Variants in ADAM12 observed in about 807,000 individuals in gnomAD.
ADAM12 encodes the protein disintegrin and metalloproteinase domain-containing protein 12.
In ADAM12, 70 loss-of-function variants were observed where a neutral mutation model predicts 106.4. The observed-to-expected ratio is 0.66, with a 90% CI of 0.54 to 0.80. The LOEUF (loss-of-function observed/expected upper bound fraction) is 0.80, where lower values mean the gene tolerates loss of function less well. ADAM12 is among the 30% of genes least tolerant of loss of function. The pLI is 0.00. For synonymous variants in ADAM12, 420 were observed against 433.5 expected, an observed-to-expected ratio of 0.97 and a Z score of 0.39; for missense variants, 1,010 against 1,171.9, an observed-to-expected ratio of 0.86 and a Z score of 2.02.
intron 3 of ADAM12, among the ~76,000 whole-genome samples, chr10:126,186,259 T>C (rs1052672955): frequency 3.3e-5 from 5 of 152,190 alleles, no homozygotes; most frequent in Non-Finnish European, 7.3e-5. Context: ...TCGATCAATA[T>C]ACTTAGCAAC....
intron 1 of ADAM12, among the ~76,000 whole-genome samples, chr10:126,332,853 G>A (rs1253423692): frequency 2.6e-5 from 4 of 152,176 alleles, no homozygotes; most frequent in Admixed American, 2.6e-4. Context: ...AGGACCCCAC[G>A]GGATTCACAC....
rs375185489 is a variant in ADAM12 at position 126,344,550 on chromosome 10, C to T, written c.89-14041G>A. Among the ~76,000 whole-genome samples, 15 of 152,160 alleles carry T rather than the reference C, an allele frequency of 9.9e-5. No individual in the cohort carries two copies. In the East Asian group the frequency reaches 1.2e-3, roughly 12 times the overall value. ...TGAACTTTAAAGTAGTTTTTTCCAA[C>T]TCTGTGAAGAAAGTCATTGGTAGTT... is the stretch of plus-strand genomic sequence containing the variant. On this transcript the variant is annotated intron_variant, in intron 1 of 22. Transcript: ENST00000448723.
rs1350901828 is a variant in ADAM12 at position 126,108,655 on chromosome 10, G to C, written c.679C>G (p.Gln227Glu). 4 of 1,613,596 alleles carry C rather than the reference G, an allele frequency of 2.5e-6. No individual in the cohort carries two copies. Among genetic ancestry groups the C allele is most frequent in the Non-Finnish European group, 3.4e-6 (4 of 1,179,652 alleles). ...TTAACTTTTTCCAGATCTTTTCCTT[G>C]CCTCTGAAACTTAACAATTTTAAAT... The part of the protein sequence containing the change: ...IVADNREFQR[Q>E]GKDLEKVKQR... The change falls in exon 8 of 23, where the codon CAA becomes GAA. Residue 227 changes from glutamine (Q) to glutamate (E), a missense_variant. By Grantham distance (29) the Gln-to-Glu change is conservative (BLOSUM62 2). Transcript: ENST00000448723.
At chr10:126,182,282 T>C (rs918859049) in intron 3 of ADAM12, among the ~76,000 whole-genome samples, 1 of 152,206 alleles carries the variant, frequency 6.6e-6, no homozygotes, top group Non-Finnish European at 1.5e-5. Context: ...CAGCACAGCA[T>C]ACTTATTTGC....
At chr10:126,322,044 T>G (rs1854120964) in intron 2 of ADAM12, among the ~76,000 whole-genome samples, 1 of 152,220 alleles carries the variant, frequency 6.6e-6, no homozygotes, top group African/African-American at 2.4e-5. Flanking sequence ...GCCAATGCAC[T>G]GCCTGTTTTG....
chr10:126,183,117 C>T (rs1278379), intron 3 of ADAM12, among the ~76,000 whole-genome samples: 20,614 of 152,144 alleles, frequency 0.14, 2,198 homozygotes, highest in African/African-American at 0.29. Context: ...CTTACGAGAA[C>T]CTAAGGCCTG....
At chr10:126,141,160 G>A (rs1956502852) in intron 4 of ADAM12, among the ~76,000 whole-genome samples, 1 of 152,230 alleles carries the variant, frequency 6.6e-6, no homozygotes, top group Admixed American at 6.5e-5. Flanking sequence ...TTGCACCCCA[G>A]GGCCCCCTGA....
intron 4 of ADAM12, among the ~76,000 whole-genome samples, chr10:126,153,763 A>G (rs1049645568): frequency 6.6e-5 from 10 of 152,222 alleles, no homozygotes; most frequent in African/African-American, 1.9e-4. Context: ...AAATATTCCT[A>G]CAGAACTATT....
rs1161587462 is a variant in ADAM12 at position 126,016,024 on chromosome 10, A to T, written c.*1255T>A. ...TCCTTATCACATTCTGTGATGCTCA[A>T]CAGGTAGGTTGCAAGTGTTTAAGAA... On this transcript the variant is annotated 3_prime_UTR_variant, in exon 23 of 23. Transcript: ENST00000448723. 1 of 152,168 alleles carries T rather than the reference A, an allele frequency of 6.6e-6. No individual in the cohort carries two copies. Among genetic ancestry groups the T allele is most frequent in the Admixed American group, 6.5e-5 (1 of 15,286 alleles). 9.4% of individuals were successfully genotyped at this position (152,168 alleles called of 1,614,324 possible). A position where few individuals can be genotyped will look rare whatever the true frequency, so the allele number is the denominator to read the frequency against.
chr10:126,262,497 T>A (rs1172083833), intron 3 of ADAM12, among the ~76,000 whole-genome samples: 1 of 152,192 alleles, frequency 6.6e-6, no homozygotes, highest in Non-Finnish European at 1.5e-5. Flanking sequence ...AAAACAAATG[T>A]GTTCAAAAAG....
intron 3 of ADAM12, among the ~76,000 whole-genome samples, chr10:126,254,307 C>T (rs941101058): frequency 6.6e-6 from 1 of 152,142 alleles, no homozygotes; most frequent in Non-Finnish European, 1.5e-5. Flanking sequence ...ACAGTAATGG[C>T]ACATACCTTA....
Position 126,017,271 on chromosome 10 carries a change from T to G in ADAM12, c.*8A>C. 6.3e-7 allele frequency: 1 copy of G among 1,589,250 alleles called. No homozygotes were observed. The highest frequency in any genetic ancestry group is 8.6e-7 in the Non-Finnish European group (1 of 1,166,726). On this transcript the variant is annotated 3_prime_UTR_variant, in exon 23 of 23. Transcript: ENST00000448723. ...CTGTCTTCACTGTTGAAAAAAGGTG[T>G]CGGCTTCTCACTTAATATAGGCGGT...
At chr10:126,125,356 T>C (rs1956187883) in intron 5 of ADAM12, among the ~76,000 whole-genome samples, 1 of 151,046 alleles carries the variant, frequency 6.6e-6, no homozygotes, top group Non-Finnish European at 1.5e-5. Flanking sequence ...GGGATTCTCC[T>C]GCCTCAGCCT....
chr10:126,188,071 G>A (rs559342678), intron 3 of ADAM12, among the ~76,000 whole-genome samples: 1 of 152,342 alleles, frequency 6.6e-6, no homozygotes, highest in Non-Finnish European at 1.5e-5. Flanking sequence ...GGCAATGACA[G>A]CCCAGTCCAC....
intron 18 of ADAM12, chr10:126,041,508 C>T (rs767518205): frequency 7.2e-5 from 71 of 985,530 alleles, no homozygotes; most frequent in South Asian, 9.4e-5. Flanking sequence ...CTGCTGGTCA[C>T]GCATGTCCAC....
In ADAM12 at chr10:126,159,244, A is replaced by G. The variant is rs953616409; in HGVS notation, c.261-3939T>C. Among the ~76,000 whole-genome samples, 14 of 138,804 alleles carry G rather than the reference A, an allele frequency of 1.0e-4. 1 individual carries two copies. In the South Asian group the frequency reaches 3.3e-3, roughly 33 times the overall value. 91.1% of individuals were successfully genotyped at this position (138,804 alleles called of 152,430 possible). On this transcript the variant is annotated intron_variant, in intron 3 of 22. Transcript: ENST00000448723. ...AGAATGGCGTGAACCTGGGAGGCAGAGCTTGCAGTGAGCCGAGATCATGCC... is the reference window on the plus strand; with the variant it reads ...AGAATGGCGTGAACCTGGGAGGCAGGGCTTGCAGTGAGCCGAGATCATGCC...
chr10:126,218,309 C>A (rs1335453897), intron 3 of ADAM12, among the ~76,000 whole-genome samples: 1 of 152,094 alleles, frequency 6.6e-6, no homozygotes, highest in East Asian at 1.9e-4. Context: ...GACACGTATT[C>A]CTTCTAACTA....
intron 3 of ADAM12, among the ~76,000 whole-genome samples, chr10:126,266,534 A>T (rs1959100801): frequency 6.6e-6 from 1 of 152,240 alleles, no homozygotes; most frequent in Non-Finnish European, 1.5e-5. Flanking sequence ...AACAGCACTC[A>T]TGCTGTGAAT....
At chr10:126,306,584 G>A (rs962992298) in intron 2 of ADAM12, among the ~76,000 whole-genome samples, 1 of 152,072 alleles carries the variant, frequency 6.6e-6, no homozygotes, top group Non-Finnish European at 1.5e-5. Context: ...TTTATCACCT[G>A]CTTTTGGTTT....
Sources: allele counts gnomAD v4.1 joint callset (sites outside exome capture counted in the v4.1 genomes callset), GRCh38; gene constraint gnomAD v4.1.1; transcripts MANE v1.5; gene names NCBI Gene and HGNC (gene_info 2026-07-23, HGNC 2026-07-21).